Variants in TTLL12 observed in about 807,000 individuals in gnomAD.
The protein encoded by TTLL12 is tubulin tyrosine ligase like 12.
In TTLL12, 77 loss-of-function variants were observed where a neutral mutation model predicts 79.6. That is an observed-to-expected ratio of 0.97 (90% confidence interval 0.81 to 1.17). The LOEUF (loss-of-function observed/expected upper bound fraction) is 1.17, where lower values mean the gene tolerates loss of function less well. Among genes scored for constraint, TTLL12 ranks in the 50% most tolerant of loss-of-function variants. The pLI, the probability that TTLL12 is intolerant of heterozygous loss-of-function variation, is 0.00. For synonymous variants in TTLL12, 437 were observed against 376.1 expected (o/e 1.16, Z -1.87); for missense variants, 969 against 895.9 (o/e 1.08, Z -1.04).
At chr22:43,171,390 AG>A (rs1432539215) in intron 11 of TTLL12, among the ~76,000 whole-genome samples, 14 of 152,240 alleles carry the variant, frequency 9.2e-5, no homozygotes, top group African/African-American at 2.7e-4. Flanking sequence ...CAGGGAGGAC[AG>A]GAGGTCCTAG....
At position 43,179,758 on chromosome 22, in the gene TTLL12, C is replaced by G; in HGVS notation, c.707-6G>C. ...AAAGTCTCGGGTCACCTCCTCTGTGCCAAGACATGAGTGCCCATCAGAGGG... is the reference window on the plus strand; with the variant it reads ...AAAGTCTCGGGTCACCTCCTCTGTGGCAAGACATGAGTGCCCATCAGAGGG... On this transcript the variant is annotated splice_region_variant and splice_polypyrimidine_tract_variant and intron_variant, in intron 4 of 13. Coordinates refer to ENST00000216129, the MANE Select transcript of TTLL12 (RefSeq NM_015140.4). The G allele has an allele frequency of 6.4e-7, 1 of 1,560,142 alleles. No individual in the cohort carries two copies. The highest frequency in any genetic ancestry group is 8.7e-7 in the Non-Finnish European group (1 of 1,151,338).
Position 43,187,103 on chromosome 22 carries a change from A to ACCGCCACCGCCG in TTLL12, c.-35_-34insCGGCGGTGGCGG. ...CACCCGCGCCGACTCCAGCGCCGCC[A>ACCGCCACCGCCG]CCGCCGCCGCCGCCCGCCGTCCGTC... On this transcript the variant is annotated 5_prime_UTR_variant, in exon 1 of 14. Transcript: ENST00000216129. 2 of 1,013,920 alleles carry ACCGCCACCGCCG rather than the reference A, an allele frequency of 2.0e-6. No individual in the cohort carries two copies. Among genetic ancestry groups the ACCGCCACCGCCG allele is most frequent in the Non-Finnish European group, 2.4e-6 (2 of 850,712 alleles). 62.8% of individuals were successfully genotyped at this position (1,013,920 alleles called of 1,614,324 possible). A position where few individuals can be genotyped will look rare whatever the true frequency, so the allele number is the denominator to read the frequency against.
At chr22:43,177,345 G>A (rs1272562452) in intron 5 of TTLL12, among the ~76,000 whole-genome samples, 1 of 151,604 alleles carries the variant, frequency 6.6e-6, no homozygotes, top group East Asian at 1.9e-4. Flanking sequence ...CTCTAGCCTG[G>A]ACAAAAGCAA....
chr22:43,185,007 A>T (rs970854368), intron 1 of TTLL12, among the ~76,000 whole-genome samples: 7 of 152,026 alleles, frequency 4.6e-5, no homozygotes, highest in Non-Finnish European at 1.0e-4. Flanking sequence ...AAGCGGGCGG[A>T]TCACGAGGTC....
chr22:43,179,229 C>T (rs537209877), intron 5 of TTLL12, among the ~76,000 whole-genome samples: 6 of 152,240 alleles, frequency 3.9e-5, no homozygotes, highest in African/African-American at 9.6e-5. Flanking sequence ...GATGGTAACT[C>T]GCAGGCCTGC....
At position 43,179,876 on chromosome 22, in the gene TTLL12, G is replaced by T. The variant is rs753869886; in HGVS notation, c.671C>A (p.Thr224Lys). Reference sequence around the variant, plus strand: ...CAGGTCCCTCAGGGGCCACAGCAGCGTGTAGGCCACCTGCTGCGGCATGTA... The same window carrying T: ...CAGGTCCCTCAGGGGCCACAGCAGCTTGTAGGCCACCTGCTGCGGCATGTA... Reference protein sequence around the residue: ...FFYMPQQVAYTLLWPLRDLDT... With the variant: ...FFYMPQQVAYKLLWPLRDLDT... Residue 224 changes from threonine to lysine, a missense_variant, in exon 4 of 14, where the codon ACG becomes AAG. Coordinates refer to ENST00000216129, the MANE Select transcript of TTLL12 (RefSeq NM_015140.4). The T allele has an allele frequency of 1.9e-6, 3 of 1,609,368 alleles. No homozygotes were observed. Among genetic ancestry groups the T allele is most frequent in the Admixed American group, 3.3e-5 (2 of 59,844 alleles).
Position 43,179,492 on chromosome 22 carries a change from ATGCCTCCCACGGTAAC to A in TTLL12, c.840+111_840+126del, listed in dbSNP as rs572631409. On this transcript the variant is annotated intron_variant, in intron 5 of 13. Transcript: ENST00000216129. ...GTCTCTCAGAGGCTCCCAAAACTCT[ATGCCTCCCACGGTAAC>A]TGGCTCAGGGCCTGGCACCCGGCTG... The A allele has an allele frequency of 1.1e-3, 1,486 of 1,324,416 alleles. 12 individuals carry two copies. The Middle Eastern group carries it at 0.032, about 28-fold the overall frequency. 82.0% of individuals were successfully genotyped at this position (1,324,416 alleles called of 1,614,324 possible).
At chr22:43,184,092 C>T (rs1289679832) in intron 1 of TTLL12, among the ~76,000 whole-genome samples, 1 of 152,244 alleles carries the variant, frequency 6.6e-6, no homozygotes, top group Non-Finnish European at 1.5e-5. Context: ...GAGACTGTTT[C>T]TTCACTTGTG....
chr22:43,184,183 G>A (rs1932125968), intron 1 of TTLL12, among the ~76,000 whole-genome samples: 1 of 152,238 alleles, frequency 6.6e-6, no homozygotes. Flanking sequence ...CACAGTGGAG[G>A]CTCAACAAAG....
chr22:43,172,701 CTTT>C (rs368382622), intron 9 of TTLL12, 147 bp from the exon 10 acceptor site: 693 of 629,646 alleles, frequency 1.1e-3, no homozygotes, highest in Non-Finnish European at 1.3e-3. Flanking sequence ...GCTGCAAAGT[CTTT>C]TTTTTTTTTT....
chr22:43,179,103 G>C (rs1217005581), intron 5 of TTLL12, among the ~76,000 whole-genome samples: 3 of 152,300 alleles, frequency 2.0e-5, no homozygotes, highest in Middle Eastern at 3.4e-3. Context: ...CAGCCTCCTT[G>C]TATGGGGCCT....
Position 43,179,600 on chromosome 22 carries a change from GGGT to G in TTLL12, c.840+16_840+18del, listed in dbSNP as rs762715100. The G allele has an allele frequency of 1.3e-6, 2 of 1,557,698 alleles. No homozygotes were observed. The highest frequency in any genetic ancestry group is 1.7e-6 in the Non-Finnish European group (2 of 1,154,828). On this transcript the variant is annotated intron_variant, in intron 5 of 13. Transcript: ENST00000216129. The stretch of plus-strand genomic sequence containing the variant: ...AAGCTACCAAGCAGACAGGCCTGGT[GGGT>G]GGAGGAGGGCTGCACCTGGTAGTGC...
In TTLL12 at chr22:43,179,874, G is replaced by C; in HGVS notation, c.673C>G (p.Leu225Val). The C allele has an allele frequency of 7.5e-6, 12 of 1,607,572 alleles. No individual in the cohort carries two copies. Among genetic ancestry groups the C allele is most frequent in the Non-Finnish European group, 1.0e-5 (12 of 1,177,824 alleles). Residue 225 changes from leucine (L) to valine (V), a missense_variant, in exon 4 of 14, where the codon CTG (leucine) becomes GTG (valine). Coordinates refer to ENST00000216129, the MANE Select transcript of TTLL12 (RefSeq NM_015140.4). Reference sequence around the variant, plus strand: ...TCCAGGTCCCTCAGGGGCCACAGCAGCGTGTAGGCCACCTGCTGCGGCATG... The same window carrying C: ...TCCAGGTCCCTCAGGGGCCACAGCACCGTGTAGGCCACCTGCTGCGGCATG... Reference protein sequence around the residue: ...FYMPQQVAYTLLWPLRDLDTG... With the variant: ...FYMPQQVAYTVLWPLRDLDTG...
chr22:43,167,994 G>A lies in TTLL12; in HGVS notation c.*14C>T, dbSNP rs1931661238. On this transcript the variant is annotated 3_prime_UTR_variant, in exon 14 of 14. Coordinates refer to ENST00000216129, the MANE Select transcript of TTLL12 (RefSeq NM_015140.4). The stretch of plus-strand genomic sequence containing the variant: ...AATCCTGCCCCAAGCACAGGTTTTG[G>A]GGACAGCGAGTGCCTAGACAAGGCA... 1.2e-6 allele frequency: 2 copies of A among 1,611,586 alleles called. No homozygotes were observed. Among genetic ancestry groups the A allele is most frequent in the Non-Finnish European group, 1.7e-6 (2 of 1,178,296 alleles).
intron 1 of TTLL12, 109 bp downstream of exon 1, chr22:43,186,784 G>C (rs1332557253): frequency 6.4e-6 from 7 of 1,091,794 alleles, no homozygotes; most frequent in African/African-American, 1.6e-5. Flanking sequence ...GCTCTGGGTG[G>C]CTCACCGCGG....
At chr22:43,168,580 C>G (rs778161130) in intron 13 of TTLL12, among the ~76,000 whole-genome samples, 194 bp downstream of exon 13, 2 of 152,188 alleles carry the variant, frequency 1.3e-5, no homozygotes, top group Non-Finnish European at 2.9e-5. Flanking sequence ...AGGCCCAACC[C>G]GCAGCCTTTC....
Position 43,183,168 on chromosome 22 carries a change from G to C in TTLL12, c.178-19C>G, listed in dbSNP as rs757254023. ...CGAAAACCTGGGGGCCAGAGTTCCC[G>C]TCAGCAGGGGTGTGGGCAGGAGACC... On this transcript the variant is annotated intron_variant, in intron 1 of 13. Coordinates refer to ENST00000216129, the MANE Select transcript of TTLL12 (RefSeq NM_015140.4). The C allele has an allele frequency of 6.2e-7, 1 of 1,612,850 alleles. No individual in the cohort carries two copies. The highest frequency in any genetic ancestry group is 1.7e-5 in the Admixed American group (1 of 59,986).
chr22:43,168,867 C>G lies in TTLL12; in HGVS notation c.1690G>C (p.Ala564Pro). ...AFTELFQVAC[A>P]KPPPLGLCDY... is the part of the protein sequence containing the mutation. Reference sequence around the variant, plus strand: ...CAGAGGCCCAGGGGTGGTGGCTTGGCACAGGCCACCTGGAACAGCTCCGTG... The same window carrying G: ...CAGAGGCCCAGGGGTGGTGGCTTGGGACAGGCCACCTGGAACAGCTCCGTG... Residue 564 changes from alanine to proline, a missense_variant, in exon 13 of 14, where the codon GCC becomes CCC. Coordinates refer to ENST00000216129, the MANE Select transcript of TTLL12 (RefSeq NM_015140.4). 1.2e-6 allele frequency: 2 copies of G among 1,610,344 alleles called. No individual in the cohort carries two copies. Among genetic ancestry groups the G allele is most frequent in the Non-Finnish European group, 1.7e-6 (2 of 1,178,780 alleles).
Position 43,176,365 on chromosome 22 carries a change from G to A in TTLL12, c.872C>T (p.Pro291Leu), listed in dbSNP as rs1429873420. 5 of 1,605,762 alleles carry A rather than the reference G, an allele frequency of 3.1e-6. No individual in the cohort carries two copies. The highest frequency in any genetic ancestry group is 3.4e-5 in the Admixed American group (2 of 58,138). Residue 291 changes from proline (P) to leucine (L), a missense_variant, in exon 6 of 14, where the codon CCA becomes CTA. Physicochemically the swap from Pro to Leu is moderately conservative, Grantham distance 98. Coordinates refer to ENST00000216129, the MANE Select transcript of TTLL12 (RefSeq NM_015140.4). ...GTGCACCACGGGGTTGATGTCAAGT[G>A]GCAGCTTCTCCTTGTTTTCCTCCAG... Reference protein sequence around the residue: ...AILEENKEKLPLDINPVVHPH... With the variant: ...AILEENKEKLLLDINPVVHPH...
Sources: gnomAD v4.1 joint callset for allele counts (sites outside exome capture counted in the v4.1 genomes callset) on GRCh38, gnomAD v4.1.1 for gene constraint, MANE v1.5 for transcripts, NCBI Gene and HGNC (gene_info 2026-07-23, HGNC 2026-07-21) for gene names.